CFAP47: variants seen among roughly 807,000 people sequenced by gnomAD.
CFAP47 encodes cilia and flagella associated protein 47.
A neutral mutation model predicts 148.1 loss-of-function variants in CFAP47; 29 were observed. The ratio of observed to expected loss-of-function variants is 0.20; its 90% confidence interval spans 0.15 to 0.27. The LOEUF is 0.27. Among genes scored for constraint, CFAP47 ranks in the 10% least tolerant of loss-of-function variants. The pLI is 1.00. For missense variants in CFAP47, 1,872 were observed against 1,697.5 expected, an observed-to-expected ratio of 1.10 and a Z score of -1.81; for synonymous variants, 664 against 577.3, an observed-to-expected ratio of 1.15 and a Z score of -2.15.
intron 37 of CFAP47, among the ~76,000 whole-genome samples, chrX:36,156,952 T>G (rs748213677): frequency 2.7e-5 from 3 of 111,559 alleles, no homozygotes; most frequent in Non-Finnish European, 5.7e-5. Flanking sequence ...TCATAAAATC[T>G]TTCATTAAAT....
intron 46 of CFAP47, among the ~76,000 whole-genome samples, chrX:36,229,939 C>T (rs782729852): frequency 0.049 from 5,082 of 103,744 alleles, 339 homozygotes; most frequent in African/African-American, 0.17. Context: ...AGGACATGAA[C>T]TCATCATTTT....
intron 40 of CFAP47, among the ~76,000 whole-genome samples, chrX:36,179,785 TTTC>T (rs1939729522): frequency 9.0e-6 from 1 of 111,217 alleles, no homozygotes; most frequent in African/African-American, 3.3e-5. Flanking sequence ...AAGACTCTAT[TTTC>T]TTTTTTTTTT....
chrX:35,965,188 G>A (rs183877332), intron 8 of CFAP47, among the ~76,000 whole-genome samples: 86 of 111,125 alleles, frequency 7.7e-4, no homozygotes, highest in African/African-American at 2.7e-3. Flanking sequence ...TTTGTTTATT[G>A]TGTGCAGCCA....
intron 57 of CFAP47, among the ~76,000 whole-genome samples, chrX:36,325,888 G>C (rs1941513848): frequency 9.0e-6 from 1 of 111,274 alleles, no homozygotes; most frequent in African/African-American, 3.3e-5. Context: ...TGAAGATATA[G>C]TTCTCTTTTA....
intron 63 of CFAP47, among the ~76,000 whole-genome samples, chrX:36,380,159 T>G (rs983511009): frequency 8.9e-6 from 1 of 112,295 alleles, no homozygotes; most frequent in African/African-American, 3.2e-5. Flanking sequence ...AAAAGGTATC[T>G]ATTACCACTG....
intron 40 of CFAP47, among the ~76,000 whole-genome samples, chrX:36,179,788 CT>C (rs928994715): frequency 2.6e-4 from 27 of 103,551 alleles, no homozygotes; most frequent in Admixed American, 5.2e-4. Flanking sequence ...ACTCTATTTT[CT>C]TTTTTTTTTT....
chrX:36,251,355 T>C lies in CFAP47; in HGVS notation c.7355T>C (p.Val2452Ala), dbSNP rs1940689537. 1 of 504,973 alleles carries C rather than the reference T, an allele frequency of 2.0e-6. No individual in the cohort carries two copies. The highest frequency in any genetic ancestry group is 2.7e-5 in the Admixed American group (1 of 36,531). 41.6% of individuals were successfully genotyped at this position (504,973 alleles called of 1,213,427 possible). ...TAGGTAACTGCAGATCTTCCAATAG[T>C]GTGGGGAAATCCACAAATTACAGTA... ...TFKVTADLPI[V>A]WGNPQITVYP... The change falls in exon 49 of 64, where the codon GTG (valine) becomes GCG (alanine). Residue 2452 changes from valine to alanine, a missense_variant. Coordinates refer to ENST00000378653, the MANE Select transcript of CFAP47 (RefSeq NM_001304548.2).
chrX:36,359,130 G>A (rs1246763704), intron 60 of CFAP47, among the ~76,000 whole-genome samples: 3 of 111,974 alleles, frequency 2.7e-5, no homozygotes, highest in African/African-American at 6.5e-5. Context: ...TATAAATAAC[G>A]ATAAGAAAAA....
chrX:35,955,399 T>G (rs761054611), intron 7 of CFAP47, among the ~76,000 whole-genome samples: 1 of 112,042 alleles, frequency 8.9e-6, no homozygotes, highest in Non-Finnish European at 1.9e-5. Context: ...TCTGACAATT[T>G]TTCTCCATTT....
chrX:36,305,126 G>A (rs1426451256), intron 54 of CFAP47, among the ~76,000 whole-genome samples: 5 of 111,945 alleles, frequency 4.5e-5, no homozygotes, highest in African/African-American at 1.6e-4. Flanking sequence ...GCCAACTTAT[G>A]TAATGATATA....
intron 37 of CFAP47, among the ~76,000 whole-genome samples, chrX:36,151,435 C>T (rs2146843304): frequency 9.0e-6 from 1 of 111,576 alleles, no homozygotes; most frequent in South Asian, 3.7e-4. Context: ...ATATCTATAT[C>T]ATATGAACTT....
At chrX:36,034,488 A>G (rs894705826) in intron 23 of CFAP47, among the ~76,000 whole-genome samples, 4 of 111,183 alleles carry the variant, frequency 3.6e-5, no homozygotes, top group African/African-American at 1.3e-4. Flanking sequence ...TATTACATGT[A>G]TTACTTGGAA....
At position 36,175,902 on chromosome X, in the gene CFAP47, G is replaced by A. The variant is rs748680319; in HGVS notation, c.6027-3443G>A. ...TGGCGGGCGCCCCTCCCCCAGCCTC[G>A]CTGCCGCCTTGCAGTTTGATCTCAG... On this transcript the variant is annotated intron_variant, in intron 39 of 63. Coordinates refer to ENST00000378653, the MANE Select transcript of CFAP47 (RefSeq NM_001304548.2). Among the ~76,000 whole-genome samples, 634 of 110,383 alleles carry A rather than the reference G, an allele frequency of 5.7e-3. 6 individuals are homozygous for A. Among genetic ancestry groups the A allele is most frequent in the African/African-American group, 0.018 (548 of 29,942 alleles).
chrX:36,055,546 C>G (rs1216840347), intron 26 of CFAP47, among the ~76,000 whole-genome samples: 1 of 111,978 alleles, frequency 8.9e-6, no homozygotes. Context: ...GTATATGTAC[C>G]ACATTTTCTT....
chrX:36,047,247 A>G (rs1477840660), intron 26 of CFAP47, among the ~76,000 whole-genome samples, 184 bp downstream of exon 26: 7 of 111,737 alleles, frequency 6.3e-5, no homozygotes, highest in East Asian at 2.8e-4. Flanking sequence ...GTGGCTACCA[A>G]TTTATACTCT....
rs1202779652 is a variant in CFAP47, at chrX:36,385,102, A to G, written c.*96A>G. The G allele has an allele frequency of 1.1e-5, 6 of 527,211 alleles. No individual in the cohort carries two copies. The highest frequency in any genetic ancestry group is 1.9e-5 in the Non-Finnish European group (6 of 318,001). 43.4% of individuals were successfully genotyped at this position (527,211 alleles called of 1,213,427 possible). On this transcript the variant is annotated 3_prime_UTR_variant, in exon 64 of 64. Coordinates refer to ENST00000378653, the MANE Select transcript of CFAP47 (RefSeq NM_001304548.2). ...TTCTGAGGAATAATGGTTTAATTAT[A>G]ATAGGCCTTCTATATTTCCTTGTCT... is the stretch of plus-strand genomic sequence containing the variant.
intron 25 of CFAP47, among the ~76,000 whole-genome samples, chrX:36,046,327 T>C (rs1375290515): frequency 1.8e-5 from 2 of 110,722 alleles, no homozygotes; most frequent in African/African-American, 6.5e-5. Flanking sequence ...CTATAAAAAG[T>C]ATAAATGTAT....
chrX:35,970,875 A>G lies in CFAP47; in HGVS notation c.1922A>G (p.Tyr641Cys), dbSNP rs1281550512. 8.4e-7 allele frequency: 1 copy of G among 1,190,283 alleles called. No homozygotes were observed. ...KKLHENYYAM[Y>C]LKYLRSVRLQ... ...TTACATGAAAACTATTATGCAATGTATCTTAAATATTTAAGAAGTGTGCGC... is the reference window on the plus strand; with the variant it reads ...TTACATGAAAACTATTATGCAATGTGTCTTAAATATTTAAGAAGTGTGCGC... Residue 641 changes from tyrosine to cysteine, a missense_variant, in exon 11 of 64, where the codon TAT becomes TGT. Tyr to Cys is a radical substitution (Grantham distance 194). Transcript: ENST00000378653.
intron 2 of CFAP47, among the ~76,000 whole-genome samples, chrX:35,930,127 A>G (rs769094335): frequency 8.9e-6 from 1 of 111,905 alleles, no homozygotes; most frequent in Non-Finnish European, 1.9e-5. Flanking sequence ...AATTGCTAAG[A>G]GTTTTTATTA....
Sources: allele counts gnomAD v4.1 joint callset (sites outside exome capture counted in the v4.1 genomes callset), GRCh38; gene constraint gnomAD v4.1.1; transcripts MANE v1.5; gene names NCBI Gene and HGNC (gene_info 2026-07-23, HGNC 2026-07-21).